Variants in MAP3K9 observed in about 807,000 individuals in gnomAD.
MAP3K9 encodes the protein mixed lineage kinase 1 (tyr and ser/thr specificity).
Under a neutral mutation model 95.8 loss-of-function variants are expected in MAP3K9, and 46 were observed. That is an observed-to-expected ratio of 0.48 (90% CI 0.38 to 0.61). The LOEUF is 0.61. Among genes scored for constraint, MAP3K9 ranks in the 20% least tolerant of loss-of-function variants. The probability of loss-of-function intolerance (pLI) is 0.00; values close to 1 mark genes in which losing one functional copy is unlikely to be tolerated. For synonymous variants in MAP3K9, 533 were observed against 593.8 expected, an observed-to-expected ratio of 0.90 and a Z score of 1.49; for missense variants, 1,296 against 1,474.3, an observed-to-expected ratio of 0.88 and a Z score of 1.98.
chr14:70,746,334 T>C (rs541687344), intron 5 of MAP3K9, among the ~76,000 whole-genome samples: 1 of 152,354 alleles, frequency 6.6e-6, no homozygotes, highest in South Asian at 2.1e-4. Flanking sequence ...TTGTGGAATA[T>C]ATGCCTATGA....
intron 1 of MAP3K9, among the ~76,000 whole-genome samples, chr14:70,803,751 T>C (rs550196705): frequency 4.7e-4 from 71 of 152,318 alleles, no homozygotes; most frequent in African/African-American, 1.6e-3. Context: ...GTTATCACCT[T>C]ATCCAGCAAT....
chr14:70,807,493 C>T (rs1431825144), intron 1 of MAP3K9, among the ~76,000 whole-genome samples: 1 of 151,824 alleles, frequency 6.6e-6, no homozygotes, highest in East Asian at 1.9e-4. Flanking sequence ...CTCAAAAAAA[C>T]AAAAAAACTC....
At chr14:70,799,136 A>G (rs925506370) in intron 2 of MAP3K9, among the ~76,000 whole-genome samples, 12 of 152,050 alleles carry the variant, frequency 7.9e-5, no homozygotes, top group African/African-American at 2.7e-4. Flanking sequence ...TTTTAGCTGC[A>G]CTTTCTAATT....
intron 2 of MAP3K9, among the ~76,000 whole-genome samples, chr14:70,784,239 C>T (rs1240060464): frequency 2.6e-5 from 4 of 151,714 alleles, no homozygotes; most frequent in Non-Finnish European, 4.4e-5. Context: ...GCTGAGATCG[C>T]GCCACTGCAC....
intron 2 of MAP3K9, among the ~76,000 whole-genome samples, chr14:70,781,728 AT>A (rs2054678933): frequency 1.3e-5 from 2 of 152,290 alleles, no homozygotes; most frequent in East Asian, 3.9e-4. Flanking sequence ...AATTATCCCC[AT>A]TTTACAGAGG....
rs1221286488 is a variant in MAP3K9 at position 70,723,521 on chromosome 14, C to T, written c.*6859G>A. 5 of 152,172 alleles carry T rather than the reference C, an allele frequency of 3.3e-5. No homozygotes were observed. The highest frequency in any genetic ancestry group is 2.6e-4 in the Admixed American group (4 of 15,274). 9.4% of individuals were successfully genotyped at this position (152,172 alleles called of 1,614,324 possible). A position where few individuals can be genotyped will look rare whatever the true frequency, so the allele number is the denominator to read the frequency against. ...TGGGCAAAGGGCAATCTCAAAACCT[C>T]GGTGGACCTGAGCTAGGCCAACTTT... is the stretch of plus-strand genomic sequence containing the variant. On this transcript the variant is annotated 3_prime_UTR_variant, in exon 12 of 12. Transcript: ENST00000554752.
At chr14:70,752,053 T>A (rs1052123003) in intron 3 of MAP3K9, among the ~76,000 whole-genome samples, 1 of 152,176 alleles carries the variant, frequency 6.6e-6, no homozygotes, top group Non-Finnish European at 1.5e-5. Context: ...GATGACGGCT[T>A]TACCCCAGTG....
At chr14:70,756,145 G>C (rs2054295493) in intron 3 of MAP3K9, among the ~76,000 whole-genome samples, 1 of 152,140 alleles carries the variant, frequency 6.6e-6, no homozygotes, top group Non-Finnish European at 1.5e-5. Flanking sequence ...CTCTGCAATG[G>C]CCTTGTCTTT....
chr14:70,792,292 C>T (rs2054815753), intron 2 of MAP3K9, among the ~76,000 whole-genome samples: 2 of 152,166 alleles, frequency 1.3e-5, no homozygotes, highest in Admixed American at 6.5e-5. Flanking sequence ...CAAAACACAT[C>T]CATCATCCTC....
chr14:70,764,001 A>C (rs2054410962), intron 2 of MAP3K9, among the ~76,000 whole-genome samples: 1 of 149,268 alleles, frequency 6.7e-6, no homozygotes, highest in Non-Finnish European at 1.5e-5. Flanking sequence ...CTGGCTAACA[A>C]GGTGAAACCC....
At chr14:70,794,990 CTTTTTTTTTT>C (rs572010694) in intron 2 of MAP3K9, among the ~76,000 whole-genome samples, 1 of 76,800 alleles carries the variant, frequency 1.3e-5, no homozygotes, top group Non-Finnish European at 2.4e-5. Flanking sequence ...TTTTCTTTTC[CTTTTTTTTTT>C]TTTTTTTTTT....
chr14:70,802,157 A>G (rs570305889), intron 1 of MAP3K9, among the ~76,000 whole-genome samples: 1 of 152,330 alleles, frequency 6.6e-6, no homozygotes, highest in African/African-American at 2.4e-5. Context: ...AGGACCCCCT[A>G]AGGAGGCCTT....
In MAP3K9 at chr14:70,727,090, C is replaced by G. The variant is rs2053829197; in HGVS notation, c.*3290G>C. On this transcript the variant is annotated 3_prime_UTR_variant, in exon 12 of 12. Coordinates refer to ENST00000554752, the MANE Select transcript of MAP3K9 (RefSeq NM_001284230.2). ...ATCTTTAAGCATTTCCCCTTCTCTACTAGCAAGGGTATCAAATGTACAAGG... is the reference window on the plus strand; with the variant it reads ...ATCTTTAAGCATTTCCCCTTCTCTAGTAGCAAGGGTATCAAATGTACAAGG... 1 of 152,222 alleles carries G rather than the reference C, an allele frequency of 6.6e-6. No homozygotes were observed. Among genetic ancestry groups the G allele is most frequent in the Non-Finnish European group, 1.5e-5 (1 of 68,038 alleles). 9.4% of individuals were successfully genotyped at this position (152,222 alleles called of 1,614,324 possible).
chr14:70,783,472 C>G lies in MAP3K9; in HGVS notation c.820+17195G>C, dbSNP rs994414155. 3.6e-5 allele frequency: 32 copies of G among 899,438 alleles called. No homozygotes were observed. In the Middle Eastern group the frequency reaches 2.3e-3, roughly 64 times the overall value. 55.7% of individuals were successfully genotyped at this position (899,438 alleles called of 1,614,324 possible). A position where few individuals can be genotyped will look rare whatever the true frequency, so the allele number is the denominator to read the frequency against. Reference sequence around the variant, plus strand: ...GCTCCTGAAGGATTCACTCTTTGTCCCCTCCCCTTTCCTCCCATCACAAAG... The same window carrying G: ...GCTCCTGAAGGATTCACTCTTTGTCGCCTCCCCTTTCCTCCCATCACAAAG... On this transcript the variant is annotated intron_variant, in intron 2 of 11. Coordinates refer to ENST00000554752, the MANE Select transcript of MAP3K9 (RefSeq NM_001284230.2).
chr14:70,807,467 G>A (rs910739759), intron 1 of MAP3K9, among the ~76,000 whole-genome samples: 4 of 152,130 alleles, frequency 2.6e-5, no homozygotes, highest in African/African-American at 9.7e-5. Context: ...TCCAACCTGG[G>A]AGACAACGAG....
intron 1 of MAP3K9, among the ~76,000 whole-genome samples, chr14:70,804,052 A>C (rs2054962750): frequency 6.6e-6 from 1 of 152,226 alleles, no homozygotes; most frequent in South Asian, 2.1e-4. Flanking sequence ...GGAATGTTTC[A>C]TAGCCAAGTG....
chr14:70,800,648 C>T lies in MAP3K9; in HGVS notation c.820+19G>A. ...TGCAACTGCTCTGAGCCCCTCCAGC[C>T]CCATCTCTTCATACTCACTGTTGCT... On this transcript the variant is annotated intron_variant, in intron 2 of 11. Transcript: ENST00000554752. 6.2e-7 allele frequency: 1 copy of T among 1,605,470 alleles called. No individual in the cohort carries two copies. The highest frequency in any genetic ancestry group is 8.5e-7 in the Non-Finnish European group (1 of 1,175,356).
intron 2 of MAP3K9, among the ~76,000 whole-genome samples, chr14:70,763,690 C>T (rs2054406229): frequency 1.3e-5 from 2 of 151,906 alleles, no homozygotes; most frequent in Admixed American, 1.3e-4. Flanking sequence ...GCCACCACAC[C>T]CAACTAATTA....
chr14:70,770,299 G>A (rs1217487421), intron 2 of MAP3K9, among the ~76,000 whole-genome samples: 1 of 152,012 alleles, frequency 6.6e-6, no homozygotes, highest in African/African-American at 2.4e-5. Context: ...TCCTGCCTCG[G>A]CCTCCCATGT....
Sources: gnomAD v4.1 joint callset for allele counts (sites outside exome capture counted in the v4.1 genomes callset) on GRCh38, gnomAD v4.1.1 for gene constraint, MANE v1.5 for transcripts, NCBI Gene and HGNC (gene_info 2026-07-23, HGNC 2026-07-21) for gene names.